Variants in USP15 observed in about 807,000 individuals in gnomAD.
USP15 encodes ubiquitin specific peptidase 15.
In USP15, 18 loss-of-function variants were observed where a neutral mutation model predicts 127.1. The observed-to-expected ratio is 0.14, with a 90% CI of 0.10 to 0.21. The LOEUF (loss-of-function observed/expected upper bound fraction) is 0.21, where lower values mean the gene tolerates loss of function less well. Ranked by LOEUF, USP15 falls within the 10% of genes least tolerant of loss-of-function variation. USP15 has a pLI of 1.00. For synonymous variants in USP15, 364 were observed against 393.7 expected, an observed-to-expected ratio of 0.92 and a Z score of 0.89; for missense variants, 805 against 1,159.9, an observed-to-expected ratio of 0.69 and a Z score of 4.44.
chr12:62,359,253 AAAG>A (rs1228204476), intron 8 of USP15, among the ~76,000 whole-genome samples: 1 of 151,632 alleles, frequency 6.6e-6, no homozygotes, highest in African/African-American at 2.4e-5. Flanking sequence ...AAAAAAAAAA[AAAG>A]AAACACATAA....
intron 1 of USP15, among the ~76,000 whole-genome samples, chr12:62,263,069 A>G (rs565011972): frequency 1.3e-5 from 2 of 152,368 alleles, no homozygotes; most frequent in African/African-American, 4.8e-5. Context: ...AATTTTAAAG[A>G]GAATAATTTG....
At chr12:62,389,538 T>TATATAA (rs1406703495) in intron 12 of USP15, 24 bp downstream of exon 12, 1 of 1,612,370 alleles carries the variant, frequency 6.2e-7, no homozygotes, top group East Asian at 2.2e-5. Context: ...GGGGTTGAAG[T>TATATAA]ATATAAGTTG....
chr12:62,374,572 G>A, intron 8 of USP15: 1 of 985,306 alleles, frequency 1.0e-6, no homozygotes, highest in Non-Finnish European at 1.2e-6. Context: ...CAAGTTATTG[G>A]GATGGCTATT....
At chr12:62,270,782 T>C (rs1406068169) in intron 1 of USP15, among the ~76,000 whole-genome samples, 1 of 152,122 alleles carries the variant, frequency 6.6e-6, no homozygotes, top group African/African-American at 2.4e-5. Flanking sequence ...CCAACAACTT[T>C]TCAAGTTTGT....
rs143937716 is a variant in USP15, at chr12:62,289,215, CTTGTTGTTG to C, written c.90-4942_90-4934del. Among the ~76,000 whole-genome samples, 21 of 150,652 alleles carry C rather than the reference CTTGTTGTTG, an allele frequency of 1.4e-4. 1 individual carries two copies. The highest frequency in any genetic ancestry group is 4.7e-4 in the African/African-American group (19 of 40,852). ...AGCTCTGAATCTGTCCTCTCCTGAG[CTTGTTGTTG>C]TTGTTGTTGTTGTTGTTGTTGGGAG... On this transcript the variant is annotated intron_variant, in intron 1 of 21. Transcript: ENST00000280377.
chr12:62,299,872 G>A (rs1485989134), intron 2 of USP15, among the ~76,000 whole-genome samples: 2 of 152,168 alleles, frequency 1.3e-5, no homozygotes, highest in African/African-American at 4.8e-5. Context: ...TGGGTGTGAA[G>A]TGGTATCTCA....
At chr12:62,294,027 T>A in intron 1 of USP15, 152 bp from the exon 2 acceptor site, 1 of 700,616 alleles carries the variant, frequency 1.4e-6, no homozygotes, top group Non-Finnish European at 2.2e-6. Flanking sequence ...TGAAGTCTTG[T>A]CTTTCTAATA....
At chr12:62,339,719 A>C (rs2065589111) in intron 6 of USP15, among the ~76,000 whole-genome samples, 1 of 152,212 alleles carries the variant, frequency 6.6e-6, no homozygotes, top group Non-Finnish European at 1.5e-5. Flanking sequence ...CCAGCTTTGC[A>C]TCCCAGGGAT....
intron 6 of USP15, among the ~76,000 whole-genome samples, chr12:62,344,158 CTCAT>C (rs1253318375): frequency 1.3e-5 from 2 of 152,176 alleles, no homozygotes; most frequent in Non-Finnish European, 2.9e-5. Flanking sequence ...AGTCCAGTGT[CTCAT>C]TCAAGACAAG....
At position 62,314,864 on chromosome 12, in the gene USP15, T is replaced by C. The variant is rs909892778; in HGVS notation, c.423T>C (p.Asn141=). The change falls in exon 4 of 22, where the codon AAT becomes AAC. Residue 141 remains asparagine, a synonymous_variant. Transcript: ENST00000280377. The part of the protein sequence containing the change: ...VYLTELKLCE[N]GNMNNVVTRR... ...TCACAGAATTGAAGCTATGTGAAAA[T>C]GGAAACATGAATAATGTTGTAACTC... 1.1e-5 allele frequency: 18 copies of C among 1,598,970 alleles called. No individual in the cohort carries two copies. The highest frequency in any genetic ancestry group is 1.4e-5 in the Non-Finnish European group (16 of 1,172,800).
chr12:62,368,236 G>T (rs1245188933), intron 8 of USP15, among the ~76,000 whole-genome samples: 1 of 152,020 alleles, frequency 6.6e-6, no homozygotes, highest in African/African-American at 2.4e-5. Flanking sequence ...TTATTATTTG[G>T]TCAATTTTAG....
intron 1 of USP15, among the ~76,000 whole-genome samples, chr12:62,274,995 G>A (rs1438728202): frequency 6.6e-6 from 1 of 152,116 alleles, no homozygotes; most frequent in East Asian, 1.9e-4. Context: ...CTTTTCTGAG[G>A]ATGAAGAGGC....
chr12:62,335,816 T>G, intron 6 of USP15: 1 of 985,386 alleles, frequency 1.0e-6, no homozygotes, highest in South Asian at 4.7e-5. Flanking sequence ...TTAACCTAGT[T>G]TATTTGACCT....
In USP15 at chr12:62,406,362, A is replaced by G. The variant is rs2067869316; in HGVS notation, c.*1987A>G. ...GTAGAGTCTGGAGATACAGCAGTAAACAAATATCCTTACCTTCACAGAGCT... is the reference window on the plus strand; with the variant it reads ...GTAGAGTCTGGAGATACAGCAGTAAGCAAATATCCTTACCTTCACAGAGCT... On this transcript the variant is annotated 3_prime_UTR_variant, in exon 22 of 22. Transcript: ENST00000280377. 6.6e-6 allele frequency: 1 copy of G among 152,206 alleles called. No homozygotes were observed. Among genetic ancestry groups the G allele is most frequent in the Non-Finnish European group, 1.5e-5 (1 of 68,026 alleles). The allele number at this position is 152,206 out of a possible 1,614,324, so 9.4% of individuals were successfully genotyped here. A position where few individuals can be genotyped will look rare whatever the true frequency, so the allele number is the denominator to read the frequency against.
intron 6 of USP15, among the ~76,000 whole-genome samples, chr12:62,340,739 A>G (rs2065621978): frequency 6.6e-6 from 1 of 152,202 alleles, no homozygotes; most frequent in Non-Finnish European, 1.5e-5. Context: ...CTGTGGTCTG[A>G]GAGACTGTTA....
chr12:62,389,727 ATTAC>A, intron 13 of USP15, 28 bp downstream of exon 13: 2 of 1,599,130 alleles, frequency 1.3e-6, no homozygotes, highest in Non-Finnish European at 1.7e-6. Flanking sequence ...TGTGCAAAAT[ATTAC>A]TTGAAAAAAA....
In USP15 at chr12:62,404,717, G is replaced by A. The variant is rs61921870; in HGVS notation, c.*342G>A. 31 of 165,026 alleles carry A rather than the reference G, an allele frequency of 1.9e-4. No homozygotes were observed. Among genetic ancestry groups the A allele is most frequent in the South Asian group, 8.4e-4 (5 of 5,976 alleles). 10.2% of individuals were successfully genotyped at this position (165,026 alleles called of 1,614,324 possible). On this transcript the variant is annotated 3_prime_UTR_variant, in exon 22 of 22. Coordinates refer to ENST00000280377, the MANE Select transcript of USP15 (RefSeq NM_001252078.2). Reference sequence around the variant, plus strand: ...GATGACAAATGTTAAATTTGTGGATGTTGGTCATTTATTTTGCTCTAATAA... The same window carrying A: ...GATGACAAATGTTAAATTTGTGGATATTGGTCATTTATTTTGCTCTAATAA...
chr12:62,321,428 A>T, intron 4 of USP15, 36 bp from the exon 5 acceptor site: 1 of 1,362,168 alleles, frequency 7.3e-7, no homozygotes, highest in Non-Finnish European at 9.9e-7. Context: ...TTTGAAATAC[A>T]TACTATATTT....
intron 1 of USP15, among the ~76,000 whole-genome samples, chr12:62,291,993 A>G (rs2063983907): frequency 6.6e-6 from 1 of 152,214 alleles, no homozygotes; most frequent in Non-Finnish European, 1.5e-5. Context: ...CAGTGGTAAC[A>G]GTGGGGTTTA....
Sources: allele counts gnomAD v4.1 joint callset (sites outside exome capture counted in the v4.1 genomes callset), GRCh38; gene constraint gnomAD v4.1.1; transcripts MANE v1.5; gene names NCBI Gene and HGNC (gene_info 2026-07-23, HGNC 2026-07-21).